Variants in SENP7 observed in about 807,000 individuals in gnomAD.
SENP7 encodes sentrin-specific protease 7.
A neutral mutation model predicts 141.2 loss-of-function variants in SENP7; 64 were observed. The observed-to-expected ratio is 0.45, with a 90% confidence interval of 0.37 to 0.56. SENP7 has a LOEUF of 0.56. Ranked by LOEUF, SENP7 falls within the 20% of genes least tolerant of loss-of-function variation. The pLI, the probability that SENP7 is intolerant of heterozygous loss-of-function variation, is 0.00. For synonymous variants in SENP7, 382 were observed against 426.4 expected (o/e 0.90, Z 1.28); for missense variants, 1,025 against 1,212.2 (o/e 0.85, Z 2.29).
intron 3 of SENP7, among the ~76,000 whole-genome samples, chr3:101,471,040 T>C (rs1018253692): frequency 1.1e-4 from 17 of 152,164 alleles, no homozygotes; most frequent in Admixed American, 8.5e-4. Flanking sequence ...TGCTCATGGA[T>C]AGGGAGAATC....
chr3:101,439,513 C>A (rs2062556763), intron 4 of SENP7, among the ~76,000 whole-genome samples: 1 of 44,746 alleles, frequency 2.2e-5, no homozygotes, highest in Non-Finnish European at 4.6e-5. Flanking sequence ...GGTCAGCCCC[C>A]CGCCTGGCCA....
At chr3:101,493,305 T>C (rs2065033652) in intron 3 of SENP7, among the ~76,000 whole-genome samples, 1 of 152,140 alleles carries the variant, frequency 6.6e-6, no homozygotes, top group Admixed American at 6.6e-5. Flanking sequence ...GCTTAATATC[T>C]GGGCGATGAA....
At chr3:101,462,196 T>C (rs1426204165) in intron 3 of SENP7, among the ~76,000 whole-genome samples, 1 of 152,138 alleles carries the variant, frequency 6.6e-6, no homozygotes, top group African/African-American at 2.4e-5. Flanking sequence ...ATGTATTTTG[T>C]CACAACAATA....
intron 3 of SENP7, among the ~76,000 whole-genome samples, chr3:101,477,176 T>G (rs2064253461): frequency 6.6e-6 from 1 of 152,160 alleles, no homozygotes; most frequent in Admixed American, 6.5e-5. Flanking sequence ...TCTTTGCCCA[T>G]GCCTATGCCC....
At chr3:101,451,452 G>A (rs2107830672) in intron 4 of SENP7, among the ~76,000 whole-genome samples, 1 of 152,288 alleles carries the variant, frequency 6.6e-6, no homozygotes, top group East Asian at 1.9e-4. Flanking sequence ...GAACAGCAAT[G>A]CAAAAATCCT....
intron 15 of SENP7, among the ~76,000 whole-genome samples, chr3:101,340,605 C>A (rs1449929627): frequency 2.0e-5 from 3 of 152,156 alleles, no homozygotes; most frequent in Non-Finnish European, 2.9e-5. Context: ...AAGTTTGAAT[C>A]CTCAAGACTA....
chr3:101,373,334 A>G (rs2060231783), intron 6 of SENP7, among the ~76,000 whole-genome samples: 1 of 152,134 alleles, frequency 6.6e-6, no homozygotes, highest in African/African-American at 2.4e-5. Flanking sequence ...GAATAAGGGC[A>G]TCTAAGCAAA....
chr3:101,397,750 T>G (rs2061010783), intron 6 of SENP7, among the ~76,000 whole-genome samples: 2 of 152,136 alleles, frequency 1.3e-5, no homozygotes. Flanking sequence ...AAACCAGAAG[T>G]TAGCTTTGGA....
rs764715946 is a variant in SENP7 at position 101,367,976 on chromosome 3, C to T, written c.832G>A (p.Glu278Lys). 25 of 1,612,348 alleles carry T rather than the reference C, an allele frequency of 1.6e-5. No individual in the cohort carries two copies. Among genetic ancestry groups the T allele is most frequent in the East Asian group, 2.2e-5 (1 of 44,680 alleles). Residue 278 changes from glutamate (E) to lysine (K), a missense_variant, in exon 8 of 24, where the codon GAA becomes AAA. Physicochemically the swap from Glu to Lys is moderately conservative, Grantham distance 56. This residue lies in a region of SENP7 where 496 missense variants were observed against 503.5 expected (regional missense o/e 0.99). Transcript: ENST00000394095. ...ACATCCTTGTTTCTGCTTTCCTGTT[C>T]GAGATGATCACAACCTCTACTTCCA... ...NSGSRGCDHL[E>K]QESRNKDVKY...
intron 23 of SENP7, 47 bp downstream of exon 23, chr3:101,327,619 G>A (rs764552329): frequency 7.1e-5 from 104 of 1,461,646 alleles, no homozygotes; most frequent in Middle Eastern, 1.8e-4. Flanking sequence ...ACTTGTGACC[G>A]TATGGTGGTA....
At position 101,451,042 on chromosome 3, in the gene SENP7, C is replaced by T. The variant is rs190607529; in HGVS notation, c.284+7913G>A. On this transcript the variant is annotated intron_variant, in intron 4 of 23. Coordinates refer to ENST00000394095, the MANE Select transcript of SENP7 (RefSeq NM_020654.5). ...AAAATCATAAAGGGGATATCACCAC[C>T]GGTCCCACAGAAATACAAACTACCA... Among the ~76,000 whole-genome samples, 742 of 152,208 alleles carry T rather than the reference C, an allele frequency of 4.9e-3. 5 individuals are homozygous for T. Among genetic ancestry groups the T allele is most frequent in the African/African-American group, 0.017 (715 of 41,526 alleles).
At chr3:101,369,512 T>C (rs9832848) in intron 7 of SENP7, among the ~76,000 whole-genome samples, 60,367 of 152,008 alleles carry the variant, frequency 0.4, 12,508 homozygotes, top group Admixed American at 0.54. Flanking sequence ...AGAAAACACC[T>C]TACTCCCTAA....
At chr3:101,457,786 C>G in intron 4 of SENP7, 1 of 629,782 alleles carries the variant, frequency 1.6e-6, no homozygotes, top group Non-Finnish European at 2.8e-6. Context: ...TAAGAGGGTC[C>G]TGGGTGGACC....
intron 5 of SENP7, among the ~76,000 whole-genome samples, chr3:101,410,454 G>A (rs1474680298): frequency 1.3e-5 from 2 of 152,074 alleles, no homozygotes; most frequent in Non-Finnish European, 2.9e-5. Flanking sequence ...AGGAAGTATA[G>A]GAAAAAGCTA....
chr3:101,373,931 G>A (rs950803461), intron 6 of SENP7, among the ~76,000 whole-genome samples: 6 of 152,008 alleles, frequency 3.9e-5, no homozygotes, highest in Non-Finnish European at 7.4e-5. Context: ...CCAAGTTCCT[G>A]AACAAGAAAT....
intron 6 of SENP7, among the ~76,000 whole-genome samples, chr3:101,392,448 G>A (rs2060842523): frequency 6.6e-6 from 1 of 152,086 alleles, no homozygotes. Context: ...ACTTAGAATA[G>A]CTACAGAATA....
chr3:101,476,393 T>C (rs1482565774), intron 3 of SENP7, among the ~76,000 whole-genome samples: 1 of 152,150 alleles, frequency 6.6e-6, no homozygotes, highest in Non-Finnish European at 1.5e-5. Context: ...AATAATGGTT[T>C]CCAGCTTCAT....
intron 4 of SENP7, among the ~76,000 whole-genome samples, chr3:101,422,355 G>T (rs745482974): frequency 3.3e-5 from 5 of 152,190 alleles, no homozygotes; most frequent in Non-Finnish European, 7.3e-5. Context: ...ATTTGCAGGG[G>T]TTGAGAACTT....
intron 4 of SENP7, among the ~76,000 whole-genome samples, chr3:101,418,874 C>T (rs1022895649): frequency 4.6e-5 from 7 of 152,076 alleles, no homozygotes; most frequent in Non-Finnish European, 1.0e-4. Context: ...CTCTATGGAT[C>T]AATAATAATT....
Sources: allele counts gnomAD v4.1 joint callset (sites outside exome capture counted in the v4.1 genomes callset), GRCh38; gene constraint gnomAD v4.1.1; regional missense constraint gnomAD v4.1.1; transcripts MANE v1.5; gene names NCBI Gene and HGNC (gene_info 2026-07-23, HGNC 2026-07-21).